The following KCNH8 variants were observed in gnomAD, a reference collection of about 807,000 sequenced individuals.
KCNH8 encodes the protein voltage-gated delayed rectifier potassium channel KCNH8.
A neutral mutation model predicts 103.6 loss-of-function variants in KCNH8; 70 were observed. That is an observed-to-expected ratio of 0.68 (90% CI 0.56 to 0.82). KCNH8 has a LOEUF of 0.82. Among genes scored for constraint, KCNH8 ranks in the 40% least tolerant of loss-of-function variants. The probability of loss-of-function intolerance (pLI) is 0.00; values close to 1 mark genes in which losing one functional copy is unlikely to be tolerated. For synonymous variants in KCNH8, 498 were observed against 489.4 expected (o/e 1.02, Z -0.23); for missense variants, 1,217 against 1,329.9 (o/e 0.92, Z 1.32).
chr3:19,175,085 C>G (rs968727543), intron 1 of KCNH8, among the ~76,000 whole-genome samples: 1 of 152,012 alleles, frequency 6.6e-6, no homozygotes, highest in Non-Finnish European at 1.5e-5. Flanking sequence ...CACCAGAAAC[C>G]AGTATTTTCT....
chr3:19,164,182 G>T lies in KCNH8; in HGVS notation c.76+15387G>T, dbSNP rs576327480. ...CACGTGTCTCTTTTGACCTGTCATT[G>T]CTCCTAGACATGTTTATTGTGCTCA... On this transcript the variant is annotated intron_variant, in intron 1 of 15. Coordinates refer to ENST00000328405, the MANE Select transcript of KCNH8 (RefSeq NM_144633.3). Among the ~76,000 whole-genome samples the T allele has an allele frequency of 2.2e-4, 33 of 152,200 alleles. 1 individual carries two copies. In the South Asian group the frequency reaches 4.8e-3, roughly 22 times the overall value.
chr3:19,454,431 A>G (rs763222329), intron 10 of KCNH8, among the ~76,000 whole-genome samples: 4 of 152,142 alleles, frequency 2.6e-5, no homozygotes, highest in African/African-American at 4.8e-5. Context: ...GGGCATCTAG[A>G]CTTTCTCTTT....
intron 1 of KCNH8, among the ~76,000 whole-genome samples, chr3:19,236,028 TGTGTATATAGTTTA>T (rs1575457922): frequency 1.3e-5 from 2 of 152,190 alleles, no homozygotes; most frequent in East Asian, 1.9e-4. Context: ...TGTGTAACTG[TGTGTATATAGTTTA>T]TGAGATGGGG....
chr3:19,323,707 G>T (rs2065382080), intron 3 of KCNH8, among the ~76,000 whole-genome samples: 1 of 152,098 alleles, frequency 6.6e-6, no homozygotes, highest in African/African-American at 2.4e-5. Flanking sequence ...CCTTGATGTG[G>T]TGCTCTTCCC....
At chr3:19,385,922 G>A (rs1288983733) in intron 5 of KCNH8, among the ~76,000 whole-genome samples, 2 of 151,996 alleles carry the variant, frequency 1.3e-5, no homozygotes, top group Non-Finnish European at 2.9e-5. Context: ...ATTTGTATGT[G>A]GTGCATATGC....
At chr3:19,283,533 T>G (rs2064785595) in intron 3 of KCNH8, among the ~76,000 whole-genome samples, 1 of 152,128 alleles carries the variant, frequency 6.6e-6, no homozygotes, top group Non-Finnish European at 1.5e-5. Context: ...TTCTAATATA[T>G]ACTGAACACT....
At chr3:19,273,495 G>T (rs1224577474) in intron 2 of KCNH8, among the ~76,000 whole-genome samples, 1 of 152,076 alleles carries the variant, frequency 6.6e-6, no homozygotes, top group Non-Finnish European at 1.5e-5. Context: ...ATTAATTGGG[G>T]CTTAGTTCTC....
chr3:19,527,204 C>A (rs908168141), intron 15 of KCNH8, among the ~76,000 whole-genome samples: 5 of 152,048 alleles, frequency 3.3e-5, no homozygotes, highest in African/African-American at 9.7e-5. Context: ...CAAAGCAATA[C>A]TAAAAATTCG....
At chr3:19,490,660 G>C (rs1559353624) in intron 11 of KCNH8, among the ~76,000 whole-genome samples, 1 of 152,182 alleles carries the variant, frequency 6.6e-6, no homozygotes, top group Non-Finnish European at 1.5e-5. Context: ...TTTGGAGGCA[G>C]AAATTGGGCA....
At chr3:19,267,631 T>C (rs2064530836) in intron 2 of KCNH8, among the ~76,000 whole-genome samples, 1 of 152,114 alleles carries the variant, frequency 6.6e-6, no homozygotes, top group Non-Finnish European at 1.5e-5. Context: ...TTAGCCAAGC[T>C]GATTAACCCT....
chr3:19,272,385 T>G (rs182330878), intron 2 of KCNH8, among the ~76,000 whole-genome samples: 2 of 152,196 alleles, frequency 1.3e-5, no homozygotes, highest in East Asian at 3.9e-4. Flanking sequence ...TGTCTGTGAT[T>G]ACAGGAGAGT....
At chr3:19,362,540 C>T (rs1000451485) in intron 5 of KCNH8, among the ~76,000 whole-genome samples, 3 of 152,130 alleles carry the variant, frequency 2.0e-5, no homozygotes, top group Admixed American at 6.6e-5. Flanking sequence ...GGAAACTTTC[C>T]TGCACCTGCT....
intron 1 of KCNH8, among the ~76,000 whole-genome samples, chr3:19,213,298 C>A (rs930165595): frequency 2.0e-5 from 3 of 152,244 alleles, no homozygotes; most frequent in Admixed American, 2.0e-4. Context: ...TTGAACTTGT[C>A]CCCTTTTCCA....
In KCNH8 at chr3:19,233,793, C is replaced by T. The variant is rs140766689; in HGVS notation, c.77-19861C>T. On this transcript the variant is annotated intron_variant, in intron 1 of 15. Transcript: ENST00000328405. ...TCAAGAATGAAGCCATGGACCCTCG[C>T]GGTGAGTGTTACAGTTCTTAAAGGC... 7.2e-3 allele frequency among the ~76,000 whole-genome samples: 1,098 copies of T among 152,088 alleles called. 13 individuals carry two copies. The highest frequency in any genetic ancestry group is 0.024 in the African/African-American group (1,006 of 41,482).
chr3:19,377,795 G>C (rs2066232256), intron 5 of KCNH8, among the ~76,000 whole-genome samples: 1 of 152,154 alleles, frequency 6.6e-6, no homozygotes, highest in African/African-American at 2.4e-5. Flanking sequence ...ATTTTGATTG[G>C]ATTTTCAAGA....
intron 3 of KCNH8, among the ~76,000 whole-genome samples, chr3:19,306,654 C>T (rs2065134334): frequency 6.6e-6 from 1 of 152,054 alleles, no homozygotes; most frequent in African/African-American, 2.4e-5. Context: ...AGGGCTGGCA[C>T]AGAGGCAAAT....
chr3:19,363,237 A>AG (rs936141545), intron 5 of KCNH8, among the ~76,000 whole-genome samples: 4 of 152,172 alleles, frequency 2.6e-5, no homozygotes, highest in African/African-American at 9.6e-5. Flanking sequence ...GCAGTACTCT[A>AG]GGGACTGACA....
chr3:19,154,529 T>G (rs949942445), intron 1 of KCNH8, among the ~76,000 whole-genome samples: 9 of 152,238 alleles, frequency 5.9e-5, no homozygotes, highest in African/African-American at 2.2e-4. Context: ...CTACAGTAGA[T>G]GCCAACTTTA....
At chr3:19,438,413 T>C (rs756142633) in intron 8 of KCNH8, 52 bp downstream of exon 8, 16 of 1,406,948 alleles carry the variant, frequency 1.1e-5, no homozygotes, top group Non-Finnish European at 1.5e-5. Flanking sequence ...CCTACCTAAC[T>C]GTCACTGCCT....
Sources: gnomAD v4.1 joint callset for allele counts (sites outside exome capture counted in the v4.1 genomes callset) on GRCh38, gnomAD v4.1.1 for gene constraint, MANE v1.5 for transcripts, NCBI Gene and HGNC (gene_info 2026-07-23, HGNC 2026-07-21) for gene names.